NONO: variants seen among roughly 807,000 people sequenced by gnomAD.
The protein encoded by NONO is non-POU domain containing octamer binding, also known as non-POU domain-containing octamer-binding protein.
Under a neutral mutation model 40.2 loss-of-function variants are expected in NONO, and 6 were observed. The ratio of observed to expected loss-of-function variants is 0.15; its 90% confidence interval spans 0.08 to 0.29. The LOEUF is 0.29. Among genes scored for constraint, NONO ranks in the 10% least tolerant of loss-of-function variants. NONO has a pLI of 1.00. For missense variants in NONO, 133 were observed against 397.8 expected, an observed-to-expected ratio of 0.33 and a Z score of 5.66; for synonymous variants, 89 against 123.3, an observed-to-expected ratio of 0.72 and a Z score of 1.85.
intron 5 of NONO, among the ~76,000 whole-genome samples, chrX:71,295,109 C>T (rs1164740486): frequency 9.2e-6 from 1 of 108,182 alleles, no homozygotes; most frequent in Non-Finnish European, 1.9e-5. Context: ...GTAGTCCCAG[C>T]AACTTGGGAG....
At position 71,300,386 on chromosome X, in the gene NONO, G is replaced by A. The variant is rs1393347828; in HGVS notation, c.*310G>A. ...AGAGCCCATTAATCTTGATCATTCC[G>A]GTTTTTTTTTTTTTTGTCCATCTTG... On this transcript the variant is annotated 3_prime_UTR_variant, in exon 12 of 12. Coordinates refer to ENST00000276079, the MANE Select transcript of NONO (RefSeq NM_007363.5). The A allele has an allele frequency of 1.7e-4, 46 of 275,238 alleles. No individual in the cohort carries two copies. The South Asian group carries it at 2.5e-3, about 15-fold the overall frequency. The allele number at this position is 275,238 out of a possible 1,213,427, so 22.7% of individuals were successfully genotyped here.
At chrX:71,291,733 AATTCT>A in intron 3 of NONO, 41 bp from the exon 4 acceptor site, 3 of 975,917 alleles carry the variant, frequency 3.1e-6, no homozygotes, top group Non-Finnish European at 2.8e-6. Flanking sequence ...ATACGACTAT[AATTCT>A]ATTTCCCCAG....
intron 2 of NONO, among the ~76,000 whole-genome samples, chrX:71,287,600 G>A (rs188161680): frequency 9.1e-6 from 1 of 110,493 alleles, no homozygotes; most frequent in Admixed American, 9.7e-5. Flanking sequence ...GGCTGGTCTC[G>A]AACTCCTGAC....
At chrX:71,293,788 C>T (rs1054258196) in intron 4 of NONO, among the ~76,000 whole-genome samples, 10 of 109,846 alleles carry the variant, frequency 9.1e-5, no homozygotes, top group African/African-American at 1.3e-4. Context: ...CGTGCCACTG[C>T]GCCTGGCTAA....
chrX:71,295,214 C>G (rs1323405084), intron 5 of NONO, among the ~76,000 whole-genome samples: 1 of 80,943 alleles, frequency 1.2e-5, no homozygotes, highest in Non-Finnish European at 2.3e-5. Context: ...GAGCAAGACT[C>G]TGTCTCAAAA....
chrX:71,294,865 G>A (rs2031401368), intron 5 of NONO, among the ~76,000 whole-genome samples: 1 of 110,992 alleles, frequency 9.0e-6, no homozygotes, highest in Non-Finnish European at 1.9e-5. Context: ...GTTGCAGCGA[G>A]CTGAGATCAC....
intron 2 of NONO, among the ~76,000 whole-genome samples, chrX:71,287,015 A>G (rs147207713): frequency 4.8e-4 from 54 of 112,347 alleles, no homozygotes; most frequent in African/African-American, 1.7e-3. Context: ...CCGTATACTC[A>G]TCATCAAAAT....
At chrX:71,288,637 T>C in intron 2 of NONO, among the ~76,000 whole-genome samples, 1 of 112,194 alleles carries the variant, frequency 8.9e-6, no homozygotes, top group Non-Finnish European at 1.9e-5. Flanking sequence ...GCTAATCCAC[T>C]GGCCTCAGCC....
At chrX:71,285,154 G>C (rs1470952556) in intron 2 of NONO, 1 of 112,173 alleles carries the variant, frequency 8.9e-6, no homozygotes, top group East Asian at 2.8e-4. Flanking sequence ...GTCTTCACTA[G>C]TGCATTCCAT....
intron 5 of NONO, among the ~76,000 whole-genome samples, chrX:71,296,294 C>T (rs1391088182): frequency 3.6e-5 from 4 of 109,605 alleles, no homozygotes; most frequent in Non-Finnish European, 7.6e-5. Context: ...TACAGACGTC[C>T]GTAGAGTCAG....
At chrX:71,298,201 G>A in intron 9 of NONO, 1 of 439,789 alleles carries the variant, frequency 2.3e-6, no homozygotes, top group South Asian at 3.6e-5. Context: ...GTCCTCTGCT[G>A]TCCTTGCAAT....
At chrX:71,289,721 C>T (rs934730582) in intron 2 of NONO, among the ~76,000 whole-genome samples, 1 of 111,793 alleles carries the variant, frequency 8.9e-6, no homozygotes, top group Non-Finnish European at 1.9e-5. Flanking sequence ...CCAGCTCCAG[C>T]CTCCTGAGTA....
At chrX:71,289,508 G>A (rs1292496974) in intron 2 of NONO, among the ~76,000 whole-genome samples, 1 of 111,424 alleles carries the variant, frequency 9.0e-6, no homozygotes, top group Admixed American at 9.6e-5. Context: ...AGGCAGGATG[G>A]TCTTGATCTC....
intron 2 of NONO, among the ~76,000 whole-genome samples, chrX:71,290,343 C>T (rs1175973797): frequency 2.7e-5 from 3 of 112,564 alleles, no homozygotes; most frequent in African/African-American, 6.4e-5. Context: ...GCCACTGCAC[C>T]CAGCCTTTTT....
rs1297244673 is a variant in NONO at position 71,284,784 on chromosome X, T to G, written c.-10+331T>G. Among the ~76,000 whole-genome samples the G allele has an allele frequency of 7.2e-5, 8 of 111,850 alleles. No individual in the cohort carries two copies. The Admixed American group carries it at 7.7e-4, about 11-fold the overall frequency. On this transcript the variant is annotated intron_variant, in intron 2 of 11. Transcript: ENST00000276079. ...TCAGTCTTGTAAATTTATACCAGAT[T>G]TAGATTTCAGATATGTGTGATGTAG...
intron 4 of NONO, chrX:71,292,207 T>C (rs999149912): frequency 5.7e-5 from 14 of 243,959 alleles, no homozygotes; most frequent in African/African-American, 3.7e-4. Flanking sequence ...GGAACTTTTT[T>C]TTTTTTTGAG....
At chrX:71,294,683 C>T (rs766149331) in intron 5 of NONO, among the ~76,000 whole-genome samples, 155 bp downstream of exon 5, 25 of 112,064 alleles carry the variant, frequency 2.2e-4, no homozygotes, top group Non-Finnish European at 1.7e-4. Context: ...TTTGGGAGGC[C>T]GGGGCAGGCG....
chrX:71,284,225 G>C (rs1291629255), intron 1 of NONO, 172 bp from the exon 2 acceptor site: 1 of 112,696 alleles, frequency 8.9e-6, no homozygotes, highest in African/African-American at 3.2e-5. Context: ...TTCGTAGTCA[G>C]ATTTCTGTAT....
chrX:71,296,145 C>CTTTTTT (rs757644657), intron 5 of NONO, among the ~76,000 whole-genome samples: 4 of 93,937 alleles, frequency 4.3e-5, no homozygotes, highest in African/African-American at 7.9e-5. Context: ...TTTTTCTTTT[C>CTTTTTT]TTTTTTTTTT....
Sources: allele counts gnomAD v4.1 joint callset (sites outside exome capture counted in the v4.1 genomes callset), GRCh38; gene constraint gnomAD v4.1.1; transcripts MANE v1.5; gene names NCBI Gene and HGNC (gene_info 2026-07-23, HGNC 2026-07-21).